CASK: variants seen among roughly 807,000 people sequenced by gnomAD.
CASK encodes calcium/calmodulin dependent serine protein kinase.
A neutral mutation model predicts 82.9 loss-of-function variants in CASK; 4 were observed. That is an observed-to-expected ratio of 0.05 (90% CI 0.02 to 0.11). CASK has a LOEUF of 0.11. Ranked by LOEUF, CASK falls within the 10% of genes least tolerant of loss-of-function variation. The pLI is 1.00. For synonymous variants in CASK, 259 were observed against 253.5 expected (o/e 1.02, Z -0.20); for missense variants, 358 against 720.9 (o/e 0.50, Z 5.76).
At chrX:41,578,559 T>A in intron 14 of CASK, 31 bp from the exon 15 acceptor site, 1 of 975,396 alleles carries the variant, frequency 1.0e-6, no homozygotes, top group Non-Finnish European at 1.5e-6. Context: ...AAATTATTAA[T>A]AACATTACTA....
At chrX:41,642,738 G>A (rs1308116129) in intron 8 of CASK, among the ~76,000 whole-genome samples, 1 of 112,070 alleles carries the variant, frequency 8.9e-6, no homozygotes, top group Non-Finnish European at 1.9e-5. Context: ...CTGTGCAGAA[G>A]CTCTTTAGCT....
chrX:41,863,003 C>T (rs1178825596), intron 1 of CASK, among the ~76,000 whole-genome samples: 1 of 111,322 alleles, frequency 9.0e-6, no homozygotes, highest in Non-Finnish European at 1.9e-5. Flanking sequence ...TTATAGAGGG[C>T]ATATAGATAG....
chrX:41,916,273 T>A (rs1259797525), intron 1 of CASK, among the ~76,000 whole-genome samples: 2 of 112,655 alleles, frequency 1.8e-5, no homozygotes, highest in Non-Finnish European at 3.7e-5. Flanking sequence ...AATTATTAAA[T>A]CTCAATGTTG....
rs2065376190 is a variant in CASK at position 41,569,609 on chromosome X, C to T, written c.1582+59G>A. ...AAAACAAACAAAAACATTTTCTTCACTAGGCTACAGGGAAAAAAAATTAAG... is the reference window on the plus strand; with the variant it reads ...AAAACAAACAAAAACATTTTCTTCATTAGGCTACAGGGAAAAAAAATTAAG... On this transcript the variant is annotated intron_variant, in intron 16 of 26. Coordinates refer to ENST00000378163, the MANE Select transcript of CASK (RefSeq NM_001367721.1). 7.3e-6 allele frequency: 6 copies of T among 821,794 alleles called. No homozygotes were observed. The East Asian group carries it at 1.9e-4, about 26-fold the overall frequency. The allele number at this position is 821,794 out of a possible 1,213,427, so 67.7% of individuals were successfully genotyped here. A position where few individuals can be genotyped will look rare whatever the true frequency, so the allele number is the denominator to read the frequency against.
At chrX:41,642,322 C>T (rs1476083355) in intron 8 of CASK, among the ~76,000 whole-genome samples, 3 of 112,171 alleles carry the variant, frequency 2.7e-5, no homozygotes, top group African/African-American at 9.7e-5. Flanking sequence ...AATTGCCATA[C>T]TGTCTTCCAC....
intron 5 of CASK, among the ~76,000 whole-genome samples, chrX:41,692,983 T>C (rs1371431697): frequency 8.9e-6 from 1 of 112,159 alleles, no homozygotes; most frequent in Non-Finnish European, 1.9e-5. Flanking sequence ...GATTTAATAA[T>C]ATTTATTATG....
At chrX:41,607,326 G>A (rs1214309331) in intron 12 of CASK, among the ~76,000 whole-genome samples, 3 of 111,837 alleles carry the variant, frequency 2.7e-5, no homozygotes, top group African/African-American at 9.8e-5. Flanking sequence ...ATACAACTTT[G>A]AAACCAATTT....
chrX:41,767,894 A>ATTACT (rs1181268064), intron 3 of CASK, among the ~76,000 whole-genome samples: 3 of 111,692 alleles, frequency 2.7e-5, no homozygotes, highest in Admixed American at 9.5e-5. Flanking sequence ...CTACTGTAAA[A>ATTACT]TTACTATTTC....
intron 12 of CASK, among the ~76,000 whole-genome samples, chrX:41,605,240 T>C (rs971374081): frequency 1.8e-5 from 2 of 111,665 alleles, no homozygotes; most frequent in Non-Finnish European, 3.8e-5. Flanking sequence ...TGGGATTAAT[T>C]AGCCTTAATT....
At chrX:41,603,747 G>A (rs186289950) in intron 12 of CASK, among the ~76,000 whole-genome samples, 4 of 111,914 alleles carry the variant, frequency 3.6e-5, no homozygotes, top group East Asian at 2.8e-4. Flanking sequence ...ACAGCAGTGC[G>A]TAACAAATGC....
At chrX:41,677,929 T>G (rs1288171770) in intron 5 of CASK, among the ~76,000 whole-genome samples, 3 of 112,508 alleles carry the variant, frequency 2.7e-5, no homozygotes, top group Non-Finnish European at 3.8e-5. Flanking sequence ...CATTCTTTCA[T>G]TTTTGCTTCA....
At chrX:41,775,608 C>T (rs769447313) in intron 3 of CASK, among the ~76,000 whole-genome samples, 243 of 105,918 alleles carry the variant, frequency 2.3e-3, no homozygotes, top group African/African-American at 7.9e-3. Context: ...CGGCACTATT[C>T]CCAATAGCAA....
intron 1 of CASK, among the ~76,000 whole-genome samples, chrX:41,885,203 A>G (rs1037903250): frequency 8.9e-6 from 1 of 112,024 alleles, no homozygotes; most frequent in African/African-American, 3.2e-5. Context: ...TAAACTGGAA[A>G]TAAGTCAATA....
chrX:41,699,625 G>A lies in CASK; in HGVS notation c.430-28095C>T, dbSNP rs906254651. ...TATAAATACACTCATAGTTCTAGAA[G>A]CTGTCTCATTATACTAGATGATTAC... On this transcript the variant is annotated intron_variant, in intron 5 of 26. Transcript: ENST00000378163. Among the ~76,000 whole-genome samples the A allele has an allele frequency of 4.5e-5, 5 of 110,399 alleles. No homozygotes were observed. In the South Asian group the frequency reaches 1.5e-3, roughly 34 times the overall value.
chrX:41,740,385 T>C (rs2068574949), intron 4 of CASK, among the ~76,000 whole-genome samples: 1 of 110,433 alleles, frequency 9.1e-6, no homozygotes, highest in South Asian at 3.9e-4. Context: ...CTGTTCACTG[T>C]ATAATATTTA....
At chrX:41,678,343 A>G (rs971811114) in intron 5 of CASK, among the ~76,000 whole-genome samples, 1 of 106,380 alleles carries the variant, frequency 9.4e-6, no homozygotes, top group African/African-American at 3.3e-5. Flanking sequence ...ATTTGTTAAG[A>G]TACTAGGTAA....
At chrX:41,709,171 A>G (rs1422364332) in intron 5 of CASK, among the ~76,000 whole-genome samples, 1 of 112,194 alleles carries the variant, frequency 8.9e-6, no homozygotes, top group Non-Finnish European at 1.9e-5. Context: ...CCAAAAGATT[A>G]CCAAGATGCC....
chrX:41,804,469 A>G lies in CASK; in HGVS notation c.173-17186T>C, dbSNP rs550419281. ...TTCTTACATAGGTGCCACCATCTGC[A>G]TATTTATTTACATGCCCATACATAG... On this transcript the variant is annotated intron_variant, in intron 2 of 26. Coordinates refer to ENST00000378163, the MANE Select transcript of CASK (RefSeq NM_001367721.1). Among the ~76,000 whole-genome samples the G allele has an allele frequency of 4.1e-3, 455 of 112,075 alleles. 3 individuals are homozygous for G. Among genetic ancestry groups the G allele is most frequent in the South Asian group, 0.012 (32 of 2,663 alleles).
intron 1 of CASK, among the ~76,000 whole-genome samples, chrX:41,881,260 C>T (rs1360449998): frequency 2.7e-5 from 3 of 111,564 alleles, no homozygotes; most frequent in South Asian, 3.7e-4. Flanking sequence ...GAAAGAATAA[C>T]GATCAAGAAT....
Sources: gnomAD v4.1 joint callset for allele counts (sites outside exome capture counted in the v4.1 genomes callset) on GRCh38, gnomAD v4.1.1 for gene constraint, MANE v1.5 for transcripts, NCBI Gene and HGNC (gene_info 2026-07-23, HGNC 2026-07-21) for gene names.